HSF2: variants seen among roughly 807,000 people sequenced by gnomAD.
HSF2 encodes heat shock transcription factor 2.
Under a neutral mutation model 65.0 loss-of-function variants are expected in HSF2, and 21 were observed. The ratio of observed to expected loss-of-function variants is 0.32; its 90% CI spans 0.23 to 0.47. The LOEUF is 0.47. Ranked by LOEUF, HSF2 falls within the 20% of genes least tolerant of loss-of-function variation. The probability of loss-of-function intolerance (pLI) is 1.00; values close to 1 mark genes in which losing one functional copy is unlikely to be tolerated. For synonymous variants in HSF2, 225 were observed against 219.1 expected (o/e 1.03, Z -0.24); for missense variants, 499 against 628.1 (o/e 0.79, Z 2.20).
chr6:122,426,645 C>G (rs1419195457), intron 10 of HSF2, among the ~76,000 whole-genome samples: 1 of 151,952 alleles, frequency 6.6e-6, no homozygotes, highest in Admixed American at 6.6e-5. Context: ...AAAGGCAAAG[C>G]CAGGGAATTT....
At chr6:122,408,663 A>G (rs1028149456) in intron 1 of HSF2, among the ~76,000 whole-genome samples, 4 of 152,132 alleles carry the variant, frequency 2.6e-5, no homozygotes, top group African/African-American at 9.7e-5. Context: ...GAGTACACCC[A>G]TAGTATCTGT....
chr6:122,429,102 C>T (rs1347490415), intron 11 of HSF2, among the ~76,000 whole-genome samples: 2 of 152,020 alleles, frequency 1.3e-5, no homozygotes, highest in Admixed American at 1.3e-4. Context: ...AGGCAGCATG[C>T]TGAATTTGGC....
chr6:122,403,792 G>A (rs534995635), intron 1 of HSF2, among the ~76,000 whole-genome samples: 2 of 152,188 alleles, frequency 1.3e-5, no homozygotes, highest in Admixed American at 1.3e-4. Flanking sequence ...TACAGAGATT[G>A]TACTGTCAGA....
intron 1 of HSF2, among the ~76,000 whole-genome samples, chr6:122,409,172 A>G (rs1000881273): frequency 1.3e-5 from 2 of 152,016 alleles, no homozygotes; most frequent in Non-Finnish European, 2.9e-5. Flanking sequence ...GCTACCTCTT[A>G]TTTGATAGGT....
chr6:122,417,995 G>C (rs1199943030), intron 5 of HSF2, among the ~76,000 whole-genome samples: 3 of 152,028 alleles, frequency 2.0e-5, no homozygotes, highest in African/African-American at 7.2e-5. Context: ...TTGAAAAATT[G>C]ATATTGATTA....
chr6:122,429,473 C>A (rs575219080), intron 11 of HSF2, among the ~76,000 whole-genome samples: 2 of 152,240 alleles, frequency 1.3e-5, no homozygotes, highest in Non-Finnish European at 1.5e-5. Flanking sequence ...ATTGGCACAT[C>A]AGCTGTCCTT....
intron 12 of HSF2, 103 bp downstream of exon 12, chr6:122,431,617 C>A: frequency 1.7e-6 from 1 of 601,798 alleles, no homozygotes. Flanking sequence ...GGCTTTAGTT[C>A]TGTGAATAGT....
Sources: allele counts gnomAD v4.1 joint callset (sites outside exome capture counted in the v4.1 genomes callset), GRCh38; gene constraint gnomAD v4.1.1; transcripts MANE v1.5; gene names NCBI Gene and HGNC (gene_info 2026-07-23, HGNC 2026-07-21).